Variants in CDC42 observed in about 807,000 individuals in gnomAD.
CDC42 encodes the protein cell division control protein 42 homolog.
CDC42 carries 1 observed loss-of-function variant against 20.8 expected under a neutral mutation model. That is an observed-to-expected ratio of 0.05 (90% CI 0.02 to 0.23). The LOEUF is 0.23. Among genes scored for constraint, CDC42 ranks in the 10% least tolerant of loss-of-function variants. CDC42 has a pLI of 1.00. For missense variants in CDC42, 49 were observed against 227.9 expected (o/e 0.21, Z 5.05); for synonymous variants, 72 against 84.8 (o/e 0.85, Z 0.83).
At chr1:22,072,091 CTTTTTTTTTTTT>C (rs55929932) in intron 1 of CDC42, among the ~76,000 whole-genome samples, 2 of 70,810 alleles carry the variant, frequency 2.8e-5, no homozygotes, top group Non-Finnish European at 4.8e-5. Flanking sequence ...TTTTACTTAC[CTTTTTTTTTTTT>C]TTTTTTTTTT....
intron 2 of CDC42, among the ~76,000 whole-genome samples, chr1:22,079,288 G>A (rs183802508): frequency 2.6e-5 from 4 of 151,846 alleles, no homozygotes; most frequent in Non-Finnish European, 5.9e-5. Context: ...ACAGGCGCCC[G>A]CCACCACGCC....
rs1464440790 is a variant in CDC42, at chr1:22,099,700, C to T, written c.*8183C>T. Among the ~76,000 whole-genome samples the T allele has an allele frequency of 1.3e-5, 2 of 152,072 alleles. No individual in the cohort carries two copies. Among genetic ancestry groups the T allele is most frequent in the Admixed American group, 6.6e-5 (1 of 15,264 alleles). On this transcript the variant is annotated 3_prime_UTR_variant, in exon 6 of 6. Coordinates refer to ENST00000656825, the MANE Select transcript of CDC42 (RefSeq NM_001791.4). ...GCATGAGAGAATATGACACCTTCTT[C>T]CTTTAGAGGATCTAAAGGTGTAGCT... is the stretch of plus-strand genomic sequence containing the variant.
intron 2 of CDC42, chr1:22,078,881 G>T: frequency 1.7e-6 from 2 of 1,209,884 alleles, no homozygotes; most frequent in East Asian, 5.2e-5. Context: ...CTTGGAATGA[G>T]GTGACTTTTT....
intron 3 of CDC42, among the ~76,000 whole-genome samples, chr1:22,082,099 G>A (rs1645613638): frequency 1.3e-5 from 2 of 152,046 alleles, no homozygotes; most frequent in Non-Finnish European, 2.9e-5. Context: ...AGAGAACTGG[G>A]GACTGCATTA....
intron 1 of CDC42, chr1:22,068,495 T>G (rs1645448277): frequency 1.3e-5 from 2 of 153,194 alleles, no homozygotes; most frequent in Non-Finnish European, 2.9e-5. Flanking sequence ...TAGCCATTTC[T>G]TCTTCATCTG....
chr1:22,066,177 G>A (rs1645421421), intron 1 of CDC42, among the ~76,000 whole-genome samples: 1 of 152,180 alleles, frequency 6.6e-6, no homozygotes, highest in Non-Finnish European at 1.5e-5. Flanking sequence ...GAATAAAGAA[G>A]TATAAGCCTA....
rs890440639 is a variant in CDC42, at chr1:22,095,327, T to A, written c.*3810T>A. 3.3e-5 allele frequency among the ~76,000 whole-genome samples: 5 copies of A among 152,134 alleles called. No homozygotes were observed. Among genetic ancestry groups the A allele is most frequent in the African/African-American group, 1.2e-4 (5 of 41,396 alleles). ...TTCTGTCGCCCAGGCTGGAGTGCAG[T>A]GGTGCAATCTCGGCTCATTGCAAGC... is the stretch of plus-strand genomic sequence containing the variant. On this transcript the variant is annotated 3_prime_UTR_variant, in exon 6 of 6. Transcript: ENST00000656825.
intron 1 of CDC42, among the ~76,000 whole-genome samples, chr1:22,077,812 A>G (rs983588811): frequency 2.0e-5 from 3 of 152,236 alleles, no homozygotes; most frequent in East Asian, 1.9e-4. Flanking sequence ...CTTTAGAGCA[A>G]TCTGACTTTT....
chr1:22,075,550 C>T (rs116301702), intron 1 of CDC42, among the ~76,000 whole-genome samples: 1,679 of 152,152 alleles, frequency 0.011, 27 homozygotes, highest in African/African-American at 0.038. Flanking sequence ...GTTATGAGTT[C>T]CTTTCTAAGA....
At chr1:22,076,877 A>G (rs1267796815) in intron 1 of CDC42, among the ~76,000 whole-genome samples, 1 of 152,120 alleles carries the variant, frequency 6.6e-6, no homozygotes, top group Non-Finnish European at 1.5e-5. Flanking sequence ...GCGGTGGCTC[A>G]TGCATGTAAT....
At chr1:22,082,283 C>T (rs1202289639) in intron 3 of CDC42, among the ~76,000 whole-genome samples, 5 of 152,126 alleles carry the variant, frequency 3.3e-5, no homozygotes, top group East Asian at 1.9e-4. Context: ...TATTTGAAGG[C>T]ATATTCAATT....
intron 1 of CDC42, among the ~76,000 whole-genome samples, chr1:22,056,943 T>C (rs1645310148): frequency 6.6e-6 from 1 of 152,240 alleles, no homozygotes; most frequent in South Asian, 2.1e-4. Flanking sequence ...CTTTACACTT[T>C]AACCTTGCAT....
chr1:22,081,819 T>C, intron 3 of CDC42, 25 bp downstream of exon 3: 2 of 1,441,468 alleles, frequency 1.4e-6, no homozygotes, highest in Non-Finnish European at 1.9e-6. Context: ...TCTTTTATAC[T>C]GTTTTGATCT....
Position 22,093,523 on chromosome 1 carries a change from A to T in CDC42, c.*2006A>T, listed in dbSNP as rs1184587198. On this transcript the variant is annotated 3_prime_UTR_variant, in exon 6 of 6. Coordinates refer to ENST00000656825, the MANE Select transcript of CDC42 (RefSeq NM_001791.4). Reference sequence around the variant, plus strand: ...TTAGGACATTATACTGATCTGCATGAGAATCTTAGAAACTAAGAACCCTTA... The same window carrying T: ...TTAGGACATTATACTGATCTGCATGTGAATCTTAGAAACTAAGAACCCTTA... Among the ~76,000 whole-genome samples, 1 of 152,220 alleles carries T rather than the reference A, an allele frequency of 6.6e-6. No individual in the cohort carries two copies. The highest frequency in any genetic ancestry group is 1.9e-4 in the East Asian group (1 of 5,204).
chr1:22,083,842 G>A (rs529433849), intron 3 of CDC42, among the ~76,000 whole-genome samples: 67 of 152,230 alleles, frequency 4.4e-4, no homozygotes, highest in African/African-American at 1.6e-3. Flanking sequence ...CCACTGATCT[G>A]CTTTCTTTGT....
rs527806456 is a variant in CDC42, at chr1:22,089,080, G to A, written c.486+2214G>A. 8.5e-5 allele frequency among the ~76,000 whole-genome samples: 13 copies of A among 152,138 alleles called. No individual in the cohort carries two copies. The South Asian group carries it at 2.7e-3, about 32-fold the overall frequency. On this transcript the variant is annotated intron_variant, in intron 5 of 5. Coordinates refer to ENST00000656825, the MANE Select transcript of CDC42 (RefSeq NM_001791.4). ...GGGACTTTTAGGACATATTTACTTG[G>A]GATCAAACTGATCAAACTAAAGAAC...
intron 1 of CDC42, among the ~76,000 whole-genome samples, chr1:22,062,021 C>G (rs1557893792): frequency 6.6e-6 from 1 of 152,098 alleles, no homozygotes; most frequent in Non-Finnish European, 1.5e-5. Context: ...TCACTGCAAC[C>G]TCTGCCTCCT....
chr1:22,075,305 A>G (rs184043125), intron 1 of CDC42, among the ~76,000 whole-genome samples: 60 of 152,326 alleles, frequency 3.9e-4, no homozygotes, highest in Admixed American at 1.2e-3. Context: ...TGAAATGACC[A>G]TCTTTGTAAT....
intron 1 of CDC42, among the ~76,000 whole-genome samples, chr1:22,060,998 A>G (rs1645356530): frequency 6.6e-6 from 1 of 152,208 alleles, no homozygotes; most frequent in South Asian, 2.1e-4. Flanking sequence ...GATCATCCTA[A>G]TAGTTGATAA....
Sources: gnomAD v4.1 joint callset for allele counts (sites outside exome capture counted in the v4.1 genomes callset) on GRCh38, gnomAD v4.1.1 for gene constraint, MANE v1.5 for transcripts, NCBI Gene and HGNC (gene_info 2026-07-23, HGNC 2026-07-21) for gene names.